TNNI3K: variants seen among roughly 807,000 people sequenced by gnomAD.
TNNI3K encodes TNNI3 interacting kinase.
TNNI3K carries 140 observed loss-of-function variants against 114.5 expected under a neutral mutation model. That is an observed-to-expected ratio of 1.22 (90% CI 1.07 to 1.41). The LOEUF (loss-of-function observed/expected upper bound fraction) is 1.41, where lower values mean the gene tolerates loss of function less well. Ranked by LOEUF, TNNI3K falls within the 40% of genes most tolerant of loss-of-function variation. The pLI is 0.00. For synonymous variants in TNNI3K, 347 were observed against 347.5 expected, an observed-to-expected ratio of 1.00 and a Z score of 0.02; for missense variants, 1,125 against 1,007.6, an observed-to-expected ratio of 1.12 and a Z score of -1.58.
chr1:74,418,263 G>T (rs1002933960), intron 17 of TNNI3K: 8 of 427,194 alleles, frequency 1.9e-5, no homozygotes, highest in African/African-American at 8.3e-5. Flanking sequence ...AAGAAAGAAG[G>T]CATCTCAGTT....
chr1:74,325,167 G>A (rs1659830637), intron 5 of TNNI3K, among the ~76,000 whole-genome samples: 1 of 152,064 alleles, frequency 6.6e-6, no homozygotes, highest in South Asian at 2.1e-4. Context: ...CTGTGAAAGG[G>A]GAACAATAAA....
chr1:74,401,160 T>C (rs1664339687), intron 17 of TNNI3K, among the ~76,000 whole-genome samples: 1 of 152,206 alleles, frequency 6.6e-6, no homozygotes, highest in Non-Finnish European at 1.5e-5. Flanking sequence ...AGAAAAGCTT[T>C]CGTAGAAACA....
chr1:74,385,329 A>G (rs983207023), intron 17 of TNNI3K, among the ~76,000 whole-genome samples: 2 of 152,182 alleles, frequency 1.3e-5, no homozygotes, highest in South Asian at 4.1e-4. Flanking sequence ...TCACAGGAGT[A>G]TATAACTGTT....
At position 74,249,612 on chromosome 1, in the gene TNNI3K, T is replaced by A. The variant is rs908728431; in HGVS notation, c.235+68T>A. On this transcript the variant is annotated intron_variant, in intron 3 of 24. Coordinates refer to ENST00000326637, the MANE Select transcript of TNNI3K (RefSeq NM_015978.3). ...GTATATCGTCAGTGACTTGAGCTGC[T>A]TAATAGTCTGCAAAAGAATTCTATT... The A allele has an allele frequency of 4.8e-6, 7 of 1,463,882 alleles. No individual in the cohort carries two copies. In the Admixed American group the frequency reaches 6.2e-5, roughly 13 times the overall value. The allele number at this position is 1,463,882 out of a possible 1,614,324, so 90.7% of individuals were successfully genotyped here.
rs78265672 is a variant in TNNI3K at position 74,460,810 on chromosome 1, C to A, written c.2012-2631C>A. Among the ~76,000 whole-genome samples the A allele has an allele frequency of 1.4e-4, 22 of 152,314 alleles. No homozygotes were observed. In the East Asian group the frequency reaches 3.3e-3, roughly 23 times the overall value. On this transcript the variant is annotated intron_variant, in intron 20 of 24. Coordinates refer to ENST00000326637, the MANE Select transcript of TNNI3K (RefSeq NM_015978.3). ...TGCTTAAAGCAAAGGGGAGGAGATG[C>A]CAAGACTTTGCAGAATCTACTTTGA...
chr1:74,505,755 T>A (rs945450110), intron 23 of TNNI3K, among the ~76,000 whole-genome samples: 1 of 152,162 alleles, frequency 6.6e-6, no homozygotes, highest in Non-Finnish European at 1.5e-5. Flanking sequence ...ATTTAGTTAA[T>A]GGCAACTAAC....
chr1:74,450,413 A>C (rs1469759437), intron 20 of TNNI3K, among the ~76,000 whole-genome samples: 1 of 152,206 alleles, frequency 6.6e-6, no homozygotes. Context: ...ATCAGAGCAG[A>C]ACTAAACTAA....
At position 74,276,063 on chromosome 1, in the gene TNNI3K, C is replaced by T. The variant is rs45575534; in HGVS notation, c.444+4355C>T. ...GCATGATTTAGCATGAATTCTAGTG[C>T]GATTACATGATGATTAAACAAAGAA... On this transcript the variant is annotated intron_variant, in intron 5 of 24. Transcript: ENST00000326637. Among the ~76,000 whole-genome samples the T allele has an allele frequency of 4.6e-3, 697 of 151,994 alleles. 2 individuals are homozygous for T. Among genetic ancestry groups the T allele is most frequent in the Non-Finnish European group, 6.0e-3 (407 of 67,954 alleles).
chr1:74,512,766 G>A (rs1379127028), intron 23 of TNNI3K, among the ~76,000 whole-genome samples: 1 of 152,080 alleles, frequency 6.6e-6, no homozygotes, highest in African/African-American at 2.4e-5. Context: ...TACCACTGAC[G>A]GGTTGCTATT....
chr1:74,542,875 T>A (rs2100469407), intron 24 of TNNI3K, among the ~76,000 whole-genome samples: 1 of 152,266 alleles, frequency 6.6e-6, no homozygotes, highest in South Asian at 2.1e-4. Context: ...GGCCTGATCC[T>A]GAGCCACTAG....
rs139471425 is a variant in TNNI3K at position 74,543,798 on chromosome 1, G to A, written c.2432-108G>A. The A allele has an allele frequency of 9.8e-6, 12 of 1,222,970 alleles. No homozygotes were observed. The East Asian group carries it at 2.2e-4, about 22-fold the overall frequency. The allele number at this position is 1,222,970 out of a possible 1,614,324, so 75.8% of individuals were successfully genotyped here. On this transcript the variant is annotated intron_variant, in intron 24 of 24. Transcript: ENST00000326637. ...CTCACCAGCAACCGTTGTCCAGATT[G>A]TCTGTTCACATGATCTGGAAGACCT...
chr1:74,417,830 A>G (rs890861142), intron 17 of TNNI3K, among the ~76,000 whole-genome samples: 15 of 152,026 alleles, frequency 9.9e-5, no homozygotes, highest in African/African-American at 2.7e-4. Context: ...GGAGAATACT[A>G]TGTGTACTCA....
intron 5 of TNNI3K, among the ~76,000 whole-genome samples, chr1:74,319,506 G>A (rs1298778706): frequency 1.3e-5 from 2 of 152,134 alleles, no homozygotes; most frequent in African/African-American, 4.8e-5. Context: ...GATTCATAGA[G>A]AGATGGATTC....
chr1:74,453,888 T>A lies in TNNI3K; in HGVS notation c.2012-9553T>A, dbSNP rs274598. On this transcript the variant is annotated intron_variant, in intron 20 of 24. Coordinates refer to ENST00000326637, the MANE Select transcript of TNNI3K (RefSeq NM_015978.3). ...CCCACGCTGACCATATCAACTAATT[T>A]CTTTCTGCTCATTAATTAAGAAATC... Among the ~76,000 whole-genome samples, 1,488 of 152,306 alleles carry A rather than the reference T, an allele frequency of 9.8e-3. 17 individuals carry two copies. Among genetic ancestry groups the A allele is most frequent in the African/African-American group, 0.034 (1,394 of 41,562 alleles).
chr1:74,528,757 T>C (rs1416758479), intron 23 of TNNI3K, among the ~76,000 whole-genome samples: 1 of 152,222 alleles, frequency 6.6e-6, no homozygotes, highest in Admixed American at 6.5e-5. Flanking sequence ...CTGTTTCTGC[T>C]AAATGAAAGC....
chr1:74,489,631 A>G (rs186182036), intron 22 of TNNI3K, among the ~76,000 whole-genome samples: 46 of 152,358 alleles, frequency 3.0e-4, no homozygotes, highest in African/African-American at 1.0e-3. Context: ...TTCAATGCGA[A>G]AAGAAAAATT....
chr1:74,498,193 C>G (rs1279662976), intron 23 of TNNI3K, among the ~76,000 whole-genome samples: 1 of 152,170 alleles, frequency 6.6e-6, no homozygotes, highest in African/African-American at 2.4e-5. Flanking sequence ...CATAAACACC[C>G]CATGTTTATC....
At chr1:74,391,595 A>G (rs559637873) in intron 17 of TNNI3K, among the ~76,000 whole-genome samples, 59 of 152,196 alleles carry the variant, frequency 3.9e-4, no homozygotes, top group Non-Finnish European at 6.2e-4. Context: ...TTAAGAAGAG[A>G]CCTTCAGAAA....
intron 5 of TNNI3K, among the ~76,000 whole-genome samples, chr1:74,284,419 G>A (rs1428753668): frequency 6.6e-6 from 1 of 152,086 alleles, no homozygotes; most frequent in African/African-American, 2.4e-5. Context: ...AAGGCACTTG[G>A]CCCATCTGCT....
Sources: gnomAD v4.1 joint callset for allele counts (sites outside exome capture counted in the v4.1 genomes callset) on GRCh38, gnomAD v4.1.1 for gene constraint, MANE v1.5 for transcripts, NCBI Gene and HGNC (gene_info 2026-07-23, HGNC 2026-07-21) for gene names.